TRIOBP: variants seen among roughly 807,000 people sequenced by gnomAD.
The protein encoded by TRIOBP is TRIO and F-actin-binding protein.
In TRIOBP, 169 loss-of-function variants were observed where a neutral mutation model predicts 238.8. The observed-to-expected ratio is 0.71, with a 90% CI of 0.62 to 0.80. The LOEUF is 0.80. Among genes scored for constraint, TRIOBP ranks in the 30% least tolerant of loss-of-function variants. The pLI is 0.00. For synonymous variants in TRIOBP, 1,150 were observed against 1,274.4 expected (o/e 0.90, Z 2.08); for missense variants, 2,838 against 3,122.6 (o/e 0.91, Z 2.17).
At position 37,769,024 on chromosome 22, in the gene TRIOBP, G is replaced by A; in HGVS notation, c.6576-4G>A. 9 of 1,613,318 alleles carry A rather than the reference G, an allele frequency of 5.6e-6. No homozygotes were observed. Among genetic ancestry groups the A allele is most frequent in the East Asian group, 2.2e-5 (1 of 44,872 alleles). On this transcript the variant is annotated splice_region_variant and splice_polypyrimidine_tract_variant and intron_variant, in intron 19 of 23. Coordinates refer to ENST00000644935, the MANE Select transcript of TRIOBP (RefSeq NM_001039141.3). ...TGCTCTCCTCTGCTCCTCCTCTGGG[G>A]CAGGTCAGATGTGGAGGCACTGAAG...
Position 37,774,977 on chromosome 22 carries a change from C to T in TRIOBP, c.*1197C>T, listed in dbSNP as rs776175350. Reference sequence around the variant, plus strand: ...GTCCCAGTCCTCTCCTGAGGCTTTTCCCAGAGGTCATGCCCAGCCCTGGGC... The same window carrying T: ...GTCCCAGTCCTCTCCTGAGGCTTTTTCCAGAGGTCATGCCCAGCCCTGGGC... On this transcript the variant is annotated 3_prime_UTR_variant, in exon 24 of 24. Coordinates refer to ENST00000644935, the MANE Select transcript of TRIOBP (RefSeq NM_001039141.3). The T allele has an allele frequency of 4.6e-5, 7 of 152,246 alleles. No homozygotes were observed. Among genetic ancestry groups the T allele is most frequent in the African/African-American group, 1.7e-4 (7 of 41,424 alleles). 9.4% of individuals were successfully genotyped at this position (152,246 alleles called of 1,614,324 possible). A position where few individuals can be genotyped will look rare whatever the true frequency, so the allele number is the denominator to read the frequency against.
At chr22:37,763,546 CTG>C (rs1393351204) in intron 17 of TRIOBP, among the ~76,000 whole-genome samples, 1 of 152,176 alleles carries the variant, frequency 6.6e-6, no homozygotes, top group Non-Finnish European at 1.5e-5. Flanking sequence ...ATCTGGTCCT[CTG>C]TGCCTTAGTT....
chr22:37,708,289 T>C (rs940513448), intron 3 of TRIOBP, among the ~76,000 whole-genome samples: 3 of 147,906 alleles, frequency 2.0e-5, no homozygotes, highest in Admixed American at 6.7e-5. Context: ...GCACAGTGGC[T>C]CATGCCTGTG....
rs548833711 is a variant in TRIOBP at position 37,725,878 on chromosome 22, C to G, written c.3322C>G (p.Leu1108Val). The stretch of plus-strand genomic sequence containing the variant: ...GTCCCCCCAACACGAGCCCCTTCAG[C>G]TCCCTGCACCTGTGTGTATTGGGTA... Reference protein sequence around the residue: ...CQSPQHEPLQLPAPVCIGYRD... With the variant: ...CQSPQHEPLQVPAPVCIGYRD... The change falls in exon 7 of 24, where the codon CTC becomes GTC. Residue 1108 changes from leucine (L) to valine (V), a missense_variant. By Grantham distance (32) the Leu-to-Val change is conservative (BLOSUM62 1). This residue lies in a region of TRIOBP where 2,096 missense variants were observed against 2,137.4 expected (regional missense o/e 0.98). Coordinates refer to ENST00000644935, the MANE Select transcript of TRIOBP (RefSeq NM_001039141.3). The G allele has an allele frequency of 3.1e-6, 5 of 1,612,960 alleles. No individual in the cohort carries two copies. The South Asian group carries it at 5.5e-5, about 18-fold the overall frequency.
chr22:37,768,036 C>G (rs748366516), intron 18 of TRIOBP, 38 bp from the exon 19 acceptor site: 1 of 1,559,204 alleles, frequency 6.4e-7, no homozygotes, highest in African/African-American at 1.4e-5. Flanking sequence ...TGCTGACCCC[C>G]CTCCAGTCTC....
In TRIOBP at chr22:37,713,799, A is replaced by C. The variant is rs557103264; in HGVS notation, c.456+388A>C. Among the ~76,000 whole-genome samples the C allele has an allele frequency of 2.7e-4, 41 of 152,364 alleles. 1 individual carries two copies. The South Asian group carries it at 8.3e-3, about 31-fold the overall frequency. The stretch of plus-strand genomic sequence containing the variant: ...ACACACAGTGCTGAGTCCCATGGCC[A>C]GCCCTGGAATAGATTTCCAAGAGAC... On this transcript the variant is annotated intron_variant, in intron 5 of 23. Transcript: ENST00000644935.
At chr22:37,726,603 C>T in intron 7 of TRIOBP, 100 bp downstream of exon 7, 1 of 1,246,358 alleles carries the variant, frequency 8.0e-7, no homozygotes. Flanking sequence ...TCAAATCCCC[C>T]TGGCTTGCCA....
chr22:37,745,641 GGA>G (rs1925184485), intron 11 of TRIOBP, among the ~76,000 whole-genome samples: 1 of 152,206 alleles, frequency 6.6e-6, no homozygotes, highest in Non-Finnish European at 1.5e-5. Context: ...TTACTCGCTA[GGA>G]ATTCCGCCTC....
chr22:37,713,809 T>C (rs1191261461), intron 5 of TRIOBP, among the ~76,000 whole-genome samples: 1 of 152,132 alleles, frequency 6.6e-6, no homozygotes, highest in African/African-American at 2.4e-5. Flanking sequence ...AGCCCTGGAA[T>C]AGATTTCCAA....
intron 3 of TRIOBP, among the ~76,000 whole-genome samples, chr22:37,705,781 G>A (rs1474166374): frequency 1.3e-5 from 2 of 152,030 alleles, no homozygotes; most frequent in South Asian, 2.1e-4. Flanking sequence ...TCACCATGCC[G>A]CTCAGGCTGG....
chr22:37,731,306 T>TA (rs554531568), intron 7 of TRIOBP, among the ~76,000 whole-genome samples: 1 of 151,886 alleles, frequency 6.6e-6, no homozygotes, highest in African/African-American at 2.4e-5. Context: ...CTCGGCTCAT[T>TA]AAAAAAATTT....
intron 12 of TRIOBP, 24 bp downstream of exon 12, chr22:37,751,852 G>A: frequency 6.2e-7 from 1 of 1,602,940 alleles, no homozygotes; most frequent in South Asian, 1.1e-5. Flanking sequence ...GGCCGGAGGG[G>A]AGGAAGCTGG....
In TRIOBP at chr22:37,731,462, ATATATATT is replaced by A. The variant is rs1288559939; in HGVS notation, c.3948-1834_3948-1827del. 2.0e-3 allele frequency among the ~76,000 whole-genome samples: 105 copies of A among 52,622 alleles called. 1 individual carries two copies. In the South Asian group the frequency reaches 0.078, roughly 39 times the overall value. The allele number at this position is 52,622 out of a possible 152,430, so 34.5% of individuals were successfully genotyped here. On this transcript the variant is annotated intron_variant, in intron 7 of 23. Transcript: ENST00000644935. ...TGGCCTCCCAACCCCATATATATAT[ATATATATT>A]TTTTGAGACAGGGTCTCACTATGTC...
rs1923974416 is a variant in TRIOBP, at chr22:37,724,001, C to T, written c.1445C>T (p.Ala482Val). 1 of 1,560,624 alleles carries T rather than the reference C, an allele frequency of 6.4e-7. No individual in the cohort carries two copies. The highest frequency in any genetic ancestry group is 8.6e-7 in the Non-Finnish European group (1 of 1,157,584). ...CGAGACAACCCCAGAACATCCTGTG[C>T]CCAGCGGGACAATCCCAGAGCCTCC... ...ATRDNPRTSCAQRDNPRASSP... is the reference protein window; with the variant it reads ...ATRDNPRTSCVQRDNPRASSP... The change falls in exon 7 of 24, where the codon GCC becomes GTC. Residue 482 changes from alanine to valine, a missense_variant. Around this residue, in one of 5 missense-constraint regions of TRIOBP, gnomAD observed 14 missense variants for 198.4 expected, o/e 0.07. Transcript: ENST00000644935.
In TRIOBP at chr22:37,720,297, G is replaced by A. The variant is rs370043111; in HGVS notation, c.629-2888G>A. 9.2e-5 allele frequency among the ~76,000 whole-genome samples: 14 copies of A among 152,078 alleles called. No homozygotes were observed. The South Asian group carries it at 1.5e-3, about 16-fold the overall frequency. ...TTCCCAAAGTGCTGGGATTACAGGC[G>A]TGAGTGACCGTGCCCGGCCCACTGC... is the stretch of plus-strand genomic sequence containing the variant. On this transcript the variant is annotated intron_variant, in intron 6 of 23. Coordinates refer to ENST00000644935, the MANE Select transcript of TRIOBP (RefSeq NM_001039141.3).
chr22:37,707,958 A>G (rs1266936690), intron 3 of TRIOBP, among the ~76,000 whole-genome samples: 2 of 146,624 alleles, frequency 1.4e-5, no homozygotes, highest in Non-Finnish European at 3.0e-5. Context: ...AAGAAAAAAA[A>G]AAAAAAGGCC....
Position 37,769,179 on chromosome 22 carries a change from C to T in TRIOBP, c.6727C>T (p.His2243Tyr), listed in dbSNP as rs753864359. 2 of 1,608,192 alleles carry T rather than the reference C, an allele frequency of 1.2e-6. No homozygotes were observed. Among genetic ancestry groups the T allele is most frequent in the South Asian group, 1.1e-5 (1 of 90,486 alleles). The change falls in exon 20 of 24, where the codon CAC becomes TAC. Residue 2243 changes from histidine to tyrosine, a missense_variant. Physicochemically the swap from His to Tyr is moderately conservative, Grantham distance 83 (BLOSUM62 2). Around this residue, in one of 5 missense-constraint regions of TRIOBP, gnomAD observed 2,096 missense variants for 2,137.4 expected, o/e 0.98. Transcript: ENST00000644935. ...CQQEGQELLR[H>Y]NQELHGRLSE... Reference sequence around the variant, plus strand: ...GCAGGAGGGCCAGGAGCTGCTGCGCCACAACCAGGTGGGCCTGGCCCCAGG... The same window carrying T: ...GCAGGAGGGCCAGGAGCTGCTGCGCTACAACCAGGTGGGCCTGGCCCCAGG...
At chr22:37,733,063 T>C (rs540326026) in intron 7 of TRIOBP, among the ~76,000 whole-genome samples, 1 of 152,334 alleles carries the variant, frequency 6.6e-6, no homozygotes, top group Non-Finnish European at 1.5e-5. Flanking sequence ...TACTCCCCAC[T>C]TTTCTCGTCA....
At chr22:37,702,634 C>CTCT (rs1226390715) in intron 3 of TRIOBP, among the ~76,000 whole-genome samples, 34 of 81,208 alleles carry the variant, frequency 4.2e-4, no homozygotes, top group Non-Finnish European at 6.9e-4. Flanking sequence ...TTCTCTCTCT[C>CTCT]TTTTTTTTTT....
Sources: gnomAD v4.1 joint callset for allele counts (sites outside exome capture counted in the v4.1 genomes callset) on GRCh38, gnomAD v4.1.1 for gene constraint, gnomAD v4.1.1 regional missense constraint, MANE v1.5 for transcripts, NCBI Gene and HGNC (gene_info 2026-07-23, HGNC 2026-07-21) for gene names.